Variants in BCAR3 observed in about 807,000 individuals in gnomAD.
BCAR3 encodes the protein breast cancer anti-estrogen resistance protein 3.
BCAR3 carries 37 observed loss-of-function variants against 80.1 expected under a neutral mutation model. That is an observed-to-expected ratio of 0.46 (90% CI 0.36 to 0.61). The LOEUF (loss-of-function observed/expected upper bound fraction) is 0.61, where lower values mean the gene tolerates loss of function less well. BCAR3 is among the 20% of genes least tolerant of loss of function. BCAR3 has a pLI of 0.00. For synonymous variants in BCAR3, 389 were observed against 418.9 expected (o/e 0.93, Z 0.87); for missense variants, 978 against 1,068.2 (o/e 0.92, Z 1.18).
upstream of BCAR3, among the ~76,000 whole-genome samples, chr1:93,686,023 A>G (rs1168721336): frequency 3.9e-5 from 6 of 152,012 alleles, no homozygotes; most frequent in Admixed American, 3.9e-4. Context: ...TCTTTGTGCT[A>G]TGAGCTTCAC....
chr1:93,601,501 C>T (rs572628102), intron 3 of BCAR3, among the ~76,000 whole-genome samples: 5 of 152,298 alleles, frequency 3.3e-5, no homozygotes, highest in African/African-American at 1.2e-4. Flanking sequence ...GCATATATCT[C>T]ACTATTAACA....
At chr1:93,711,229 G>A (rs1380719246) in intron 2 of BCAR3, among the ~76,000 whole-genome samples, 2 of 152,358 alleles carry the variant, frequency 1.3e-5, no homozygotes, top group East Asian at 3.9e-4. Context: ...CACATGGTGT[G>A]AATACCAGAA....
chr1:93,652,265 G>C (rs1048318642), intron 2 of BCAR3, among the ~76,000 whole-genome samples: 6 of 152,134 alleles, frequency 3.9e-5, no homozygotes, highest in Non-Finnish European at 2.9e-5. Flanking sequence ...ACCCTTTTTA[G>C]AGAAGCATGG....
intron 2 of BCAR3, among the ~76,000 whole-genome samples, chr1:93,842,368 T>G (rs981116195): frequency 1.3e-5 from 2 of 152,054 alleles, no homozygotes; most frequent in African/African-American, 4.8e-5. Flanking sequence ...GCCAGGCTGG[T>G]CTCGACCTCC....
At chr1:93,738,778 G>T (rs1651081723) in intron 2 of BCAR3, among the ~76,000 whole-genome samples, 1 of 152,156 alleles carries the variant, frequency 6.6e-6, no homozygotes, top group African/African-American at 2.4e-5. Flanking sequence ...GGGTGCCAGG[G>T]TTAGGACTGG....
chr1:93,571,879 A>G, intron 8 of BCAR3, 38 bp from the exon 9 acceptor site: 4 of 1,593,114 alleles, frequency 2.5e-6, no homozygotes, highest in East Asian at 4.5e-5. Flanking sequence ...TTCAGGGCCA[A>G]TGGGACTAGG....
chr1:93,596,285 G>A (rs1166320803), intron 3 of BCAR3, among the ~76,000 whole-genome samples: 1 of 152,176 alleles, frequency 6.6e-6, no homozygotes, highest in Non-Finnish European at 1.5e-5. Flanking sequence ...AGAGAATAAG[G>A]TGTCAGGTCC....
In BCAR3 at chr1:93,679,240, C is replaced by T. The variant is rs942521414; in HGVS notation, c.-12+2358G>A. On this transcript the variant is annotated intron_variant, in intron 1 of 11. Transcript: ENST00000260502. ...TGCAAACACTTAGTAAATAGCAGGT[C>T]CCCTCTAAGCAGGACAGGGGCTGCT... Among the ~76,000 whole-genome samples, 4 of 152,182 alleles carry T rather than the reference C, an allele frequency of 2.6e-5. No homozygotes were observed. In the South Asian group the frequency reaches 6.2e-4, roughly 24 times the overall value.
intron 3 of BCAR3, among the ~76,000 whole-genome samples, chr1:93,689,518 CA>C (rs1649096344): frequency 7.7e-6 from 1 of 130,186 alleles, no homozygotes; most frequent in Non-Finnish European, 1.6e-5. Context: ...CAAACAAGAG[CA>C]AAACTACATC....
intron 2 of BCAR3, among the ~76,000 whole-genome samples, chr1:93,761,805 A>AC (rs1458919713): frequency 6.6e-6 from 1 of 152,066 alleles, no homozygotes; most frequent in African/African-American, 2.4e-5. Context: ...TCGTGTTCTT[A>AC]CCCCACTTGC....
intron 2 of BCAR3, among the ~76,000 whole-genome samples, chr1:93,751,365 C>T (rs1651551082): frequency 6.6e-6 from 1 of 152,098 alleles, no homozygotes; most frequent in African/African-American, 2.4e-5. Context: ...ATTTGGTTCC[C>T]CTGGTTCCTC....
intron 2 of BCAR3, among the ~76,000 whole-genome samples, chr1:93,809,725 G>A (rs1004023608): frequency 2.0e-5 from 3 of 146,636 alleles, no homozygotes; most frequent in Non-Finnish European, 4.5e-5. Flanking sequence ...CCTAGATAGC[G>A]CCTTTGCACT....
intron 3 of BCAR3, among the ~76,000 whole-genome samples, chr1:93,687,947 C>CAGAA (rs1649032972): frequency 1.3e-5 from 2 of 152,204 alleles, no homozygotes; most frequent in Non-Finnish European, 2.9e-5. Context: ...TGAACAACTG[C>CAGAA]AGAAAGAAAG....
chr1:93,583,051 C>T (rs1673784821), intron 6 of BCAR3, 98 bp from the exon 7 acceptor site: 5 of 1,331,090 alleles, frequency 3.8e-6, no homozygotes, highest in African/African-American at 2.9e-5. Context: ...CCATTCATGC[C>T]CTTGGGCTTC....
At chr1:93,572,817 A>G (rs1673272764) in intron 8 of BCAR3, among the ~76,000 whole-genome samples, 1 of 152,120 alleles carries the variant, frequency 6.6e-6, no homozygotes, top group Non-Finnish European at 1.5e-5. Context: ...GGAGCTTACG[A>G]TGTTACTCCA....
intron 2 of BCAR3, among the ~76,000 whole-genome samples, chr1:93,734,070 G>A (rs1349755894): frequency 6.6e-6 from 1 of 152,164 alleles, no homozygotes; most frequent in Non-Finnish European, 1.5e-5. Flanking sequence ...CTGGCAGACA[G>A]GATGAAGACA....
At chr1:93,635,411 A>C (rs755379423) in intron 3 of BCAR3, among the ~76,000 whole-genome samples, 1 of 151,998 alleles carries the variant, frequency 6.6e-6, no homozygotes, top group Non-Finnish European at 1.5e-5. Flanking sequence ...ATAAGGTTTT[A>C]CTCTTTATAA....
At chr1:93,624,024 A>G (rs1675387369) in intron 3 of BCAR3, among the ~76,000 whole-genome samples, 2 of 152,212 alleles carry the variant, frequency 1.3e-5, no homozygotes, top group Non-Finnish European at 2.9e-5. Flanking sequence ...TTCAAGGATA[A>G]CAATACACGA....
At chr1:93,724,614 A>G (rs1571075740) in intron 2 of BCAR3, among the ~76,000 whole-genome samples, 1 of 152,122 alleles carries the variant, frequency 6.6e-6, no homozygotes, top group African/African-American at 2.4e-5. Context: ...AGTCTGAGCT[A>G]CCTGGCTCCC....
Sources: gnomAD v4.1 joint callset for allele counts (sites outside exome capture counted in the v4.1 genomes callset) on GRCh38, gnomAD v4.1.1 for gene constraint, MANE v1.5 for transcripts, NCBI Gene and HGNC (gene_info 2026-07-23, HGNC 2026-07-21) for gene names.